AKAP6: variants seen among roughly 807,000 people sequenced by gnomAD.
The protein encoded by AKAP6 is A-kinase anchoring protein 6.
AKAP6 carries 58 observed loss-of-function variants against 188.5 expected under a neutral mutation model. That is an observed-to-expected ratio of 0.31 (90% CI 0.25 to 0.38). AKAP6 has a LOEUF of 0.38. Among genes scored for constraint, AKAP6 ranks in the 10% least tolerant of loss-of-function variants. The pLI, the probability that AKAP6 is intolerant of heterozygous loss-of-function variation, is 1.00. For synonymous variants in AKAP6, 989 were observed against 998.6 expected (o/e 0.99, Z 0.18); for missense variants, 2,710 against 2,740.0 (o/e 0.99, Z 0.24).
Position 32,446,325 on chromosome 14 carries a change from T to G in AKAP6, c.324+12508T>G, listed in dbSNP as rs182728048. The stretch of plus-strand genomic sequence containing the variant: ...TCCCATAATCTGTTGGATTATGCTC[T>G]TTTATAATGAGTAACGAGCTAGGTA... On this transcript the variant is annotated intron_variant, in intron 2 of 13. Coordinates refer to ENST00000280979, the MANE Select transcript of AKAP6 (RefSeq NM_004274.5). Among the ~76,000 whole-genome samples the G allele has an allele frequency of 2.8e-3, 423 of 152,304 alleles. 3 individuals carry two copies. Among genetic ancestry groups the G allele is most frequent in the African/African-American group, 9.7e-3 (404 of 41,572 alleles).
At chr14:32,640,096 A>G (rs1887687963) in intron 7 of AKAP6, among the ~76,000 whole-genome samples, 1 of 149,272 alleles carries the variant, frequency 6.7e-6, no homozygotes, top group Admixed American at 6.8e-5. Flanking sequence ...GAATACAAAA[A>G]ATAATATTCT....
chr14:32,714,616 C>T (rs2030085791), intron 9 of AKAP6, among the ~76,000 whole-genome samples: 2 of 151,946 alleles, frequency 1.3e-5, no homozygotes, highest in Non-Finnish European at 2.9e-5. Context: ...TCTTTTGCTG[C>T]CTGTAATGGA....
intron 3 of AKAP6, among the ~76,000 whole-genome samples, chr14:32,540,168 C>CTCTCTCTCTCTCTCTA (rs1240063339): frequency 2.8e-4 from 17 of 60,922 alleles, no homozygotes; most frequent in African/African-American, 1.6e-3. Flanking sequence ...CTCTCTCTCT[C>CTCTCTCTCTCTCTCTA]TATATATATA....
chr14:32,795,028 A>G (rs1347484409), intron 12 of AKAP6, among the ~76,000 whole-genome samples: 4 of 152,196 alleles, frequency 2.6e-5, no homozygotes, highest in Non-Finnish European at 5.9e-5. Flanking sequence ...TAAACTAGAA[A>G]TCTAGAAGAA....
At chr14:32,820,890 A>G (rs565776978) in intron 12 of AKAP6, among the ~76,000 whole-genome samples, 1 of 152,280 alleles carries the variant, frequency 6.6e-6, no homozygotes, top group East Asian at 1.9e-4. Flanking sequence ...TGGTGGCTAC[A>G]ACTCTATTTT....
intron 1 of AKAP6, among the ~76,000 whole-genome samples, chr14:32,341,986 TG>T (rs1215325841): frequency 6.6e-6 from 1 of 152,202 alleles, no homozygotes; most frequent in Non-Finnish European, 1.5e-5. Flanking sequence ...CACTCTATCC[TG>T]GGTGACAGAG....
chr14:32,474,604 T>TG (rs1878960857), intron 2 of AKAP6: 1 of 152,184 alleles, frequency 6.6e-6, no homozygotes, highest in Admixed American at 6.5e-5. Flanking sequence ...AAATTCCAGG[T>TG]GGGGCTGGCT....
chr14:32,437,319 C>T (rs1301532470), intron 2 of AKAP6, among the ~76,000 whole-genome samples: 2 of 151,800 alleles, frequency 1.3e-5, no homozygotes, highest in African/African-American at 2.4e-5. Flanking sequence ...GGGGCAAGCA[C>T]AAAAAAAGAA....
At chr14:32,577,271 C>A in intron 5 of AKAP6, 29 bp downstream of exon 5, 1 of 1,594,754 alleles carries the variant, frequency 6.3e-7, no homozygotes, top group South Asian at 1.2e-5. Flanking sequence ...TTCTTGCTGT[C>A]AATAATCAAA....
chr14:32,716,665 T>TTATCTATCTATCTATC (rs59039609), intron 9 of AKAP6, among the ~76,000 whole-genome samples: 3,648 of 143,566 alleles, frequency 0.025, 63 homozygotes, highest in Non-Finnish European at 0.03. Context: ...ATGGTATACA[T>TTATCTATCTATCTATC]TATCTATCTA....
chr14:32,519,671 T>A (rs1477266880), intron 2 of AKAP6, among the ~76,000 whole-genome samples: 2 of 152,112 alleles, frequency 1.3e-5, no homozygotes, highest in Non-Finnish European at 2.9e-5. Context: ...ATGCACCCAA[T>A]ACAGGAGTAC....
intron 1 of AKAP6, among the ~76,000 whole-genome samples, chr14:32,430,497 A>G (rs1594605686): frequency 6.6e-6 from 1 of 152,188 alleles, no homozygotes; most frequent in Non-Finnish European, 1.5e-5. Flanking sequence ...TTCAGAGAAA[A>G]CACGGTGACT....
intron 2 of AKAP6, among the ~76,000 whole-genome samples, chr14:32,471,218 A>C (rs1460615875): frequency 1.3e-5 from 2 of 152,242 alleles, no homozygotes; most frequent in African/African-American, 4.8e-5. Flanking sequence ...AATAATTTTA[A>C]ATAATAAACA....
At chr14:32,422,481 C>G (rs1475461750) in intron 1 of AKAP6, among the ~76,000 whole-genome samples, 1 of 152,168 alleles carries the variant, frequency 6.6e-6, no homozygotes, top group African/African-American at 2.4e-5. Context: ...TCCAGGCCCT[C>G]AGGGATGTAT....
intron 1 of AKAP6, among the ~76,000 whole-genome samples, chr14:32,358,198 C>T (rs1438687594): frequency 6.6e-6 from 1 of 152,138 alleles, no homozygotes; most frequent in Non-Finnish European, 1.5e-5. Context: ...GGTATACCTT[C>T]CCCTCTCAAC....
At chr14:32,710,870 C>T (rs1240082337) in intron 9 of AKAP6, among the ~76,000 whole-genome samples, 4 of 152,018 alleles carry the variant, frequency 2.6e-5, no homozygotes, top group African/African-American at 9.7e-5. Context: ...TCACATGCAG[C>T]CTACCACTCA....
chr14:32,421,766 A>T (rs562432254), intron 1 of AKAP6, among the ~76,000 whole-genome samples: 1 of 152,154 alleles, frequency 6.6e-6, no homozygotes, highest in South Asian at 2.1e-4. Flanking sequence ...ATGTCACTGT[A>T]GGGTAATCTG....
intron 5 of AKAP6, among the ~76,000 whole-genome samples, chr14:32,590,153 GA>G (rs1210645574): frequency 6.6e-6 from 1 of 152,076 alleles, no homozygotes; most frequent in African/African-American, 2.4e-5. Flanking sequence ...TCATTTGGGG[GA>G]ATCTTCCTTA....
chr14:32,541,760 T>A (rs1399060006), intron 3 of AKAP6, among the ~76,000 whole-genome samples: 1 of 152,214 alleles, frequency 6.6e-6, no homozygotes, highest in Non-Finnish European at 1.5e-5. Flanking sequence ...ATGAAAAGAT[T>A]AAAGAAAATA....
Sources: gnomAD v4.1 joint callset for allele counts (sites outside exome capture counted in the v4.1 genomes callset) on GRCh38, gnomAD v4.1.1 for gene constraint, MANE v1.5 for transcripts, NCBI Gene and HGNC (gene_info 2026-07-23, HGNC 2026-07-21) for gene names.